The following CDH13 variants were observed in gnomAD, a reference collection of about 807,000 sequenced individuals.
The protein encoded by CDH13 is cadherin-13.
In CDH13, 24 loss-of-function variants were observed where a neutral mutation model predicts 63.8. The observed-to-expected ratio is 0.38, with a 90% CI of 0.27 to 0.53. The LOEUF is 0.53. Among genes scored for constraint, CDH13 ranks in the 20% least tolerant of loss-of-function variants. The pLI is 0.85. For synonymous variants in CDH13, 503 were observed against 355.3 expected, an observed-to-expected ratio of 1.42 and a Z score of -4.67; for missense variants, 1,049 against 903.1, an observed-to-expected ratio of 1.16 and a Z score of -2.07.
intron 2 of CDH13, among the ~76,000 whole-genome samples, chr16:82,989,767 C>T (rs72792133): frequency 0.15 from 23,355 of 152,192 alleles, 2,189 homozygotes; most frequent in Non-Finnish European, 0.21. Context: ...TTTTCATCCC[C>T]GTCCTGGCCA....
At chr16:82,912,028 G>C (rs546957229) in intron 2 of CDH13, among the ~76,000 whole-genome samples, 1 of 151,932 alleles carries the variant, frequency 6.6e-6, no homozygotes, top group African/African-American at 2.4e-5. Context: ...GCAGCCCTCA[G>C]AGCCCCAGCT....
chr16:83,227,678 G>A (rs2039881960), intron 5 of CDH13, among the ~76,000 whole-genome samples: 1 of 152,138 alleles, frequency 6.6e-6, no homozygotes, highest in Non-Finnish European at 1.5e-5. Flanking sequence ...ACGTGGGGGA[G>A]CATGCTTTTT....
intron 7 of CDH13, among the ~76,000 whole-genome samples, chr16:83,596,530 G>T (rs1907275701): frequency 1.3e-5 from 2 of 152,126 alleles, no homozygotes; most frequent in Non-Finnish European, 2.9e-5. Flanking sequence ...GCATCTGTGG[G>T]CTGGACACCT....
At chr16:83,204,048 G>C (rs544446717) in intron 4 of CDH13, among the ~76,000 whole-genome samples, 6 of 152,176 alleles carry the variant, frequency 3.9e-5, no homozygotes, top group Admixed American at 2.6e-4. Context: ...GAAGTCCCTC[G>C]TCCTGGCTCT....
At chr16:83,296,808 G>A (rs2089609389) in intron 5 of CDH13, among the ~76,000 whole-genome samples, 3 of 152,140 alleles carry the variant, frequency 2.0e-5, no homozygotes, top group Non-Finnish European at 2.9e-5. Flanking sequence ...CCAATAACAC[G>A]GGTTTATGTA....
At chr16:83,295,815 G>A (rs973627985) in intron 5 of CDH13, among the ~76,000 whole-genome samples, 1 of 152,096 alleles carries the variant, frequency 6.6e-6, no homozygotes, top group Non-Finnish European at 1.5e-5. Context: ...ATCTCACTAG[G>A]GTTATATATC....
intron 10 of CDH13, among the ~76,000 whole-genome samples, chr16:83,700,612 A>C (rs779961069): frequency 3.9e-5 from 6 of 152,246 alleles, no homozygotes; most frequent in Non-Finnish European, 7.3e-5. Flanking sequence ...TTTTGTTTAC[A>C]GGTTTTGGGA....
At chr16:82,955,922 C>G (rs1033837868) in intron 2 of CDH13, among the ~76,000 whole-genome samples, 4 of 152,308 alleles carry the variant, frequency 2.6e-5, no homozygotes, top group East Asian at 1.9e-4. Flanking sequence ...TAATCAAATA[C>G]TACTATGAAA....
chr16:82,873,245 C>T (rs1485364884), intron 2 of CDH13, among the ~76,000 whole-genome samples: 4 of 152,138 alleles, frequency 2.6e-5, no homozygotes, highest in African/African-American at 2.4e-5. Context: ...AGGAGGAGGG[C>T]TGTCATTTGA....
intron 8 of CDH13, among the ~76,000 whole-genome samples, chr16:83,630,472 G>A (rs1187898109): frequency 6.6e-6 from 1 of 152,170 alleles, no homozygotes; most frequent in African/African-American, 2.4e-5. Flanking sequence ...GGTTCAGTCT[G>A]GAGAGTGGGC....
intron 4 of CDH13, among the ~76,000 whole-genome samples, chr16:83,211,054 A>G (rs980639260): frequency 6.6e-6 from 1 of 151,758 alleles, no homozygotes; most frequent in Non-Finnish European, 1.5e-5. Flanking sequence ...AGGCTGAGTC[A>G]GGAGAATTAC....
intron 2 of CDH13, among the ~76,000 whole-genome samples, chr16:82,956,188 C>T (rs908277379): frequency 6.6e-5 from 10 of 152,064 alleles, no homozygotes; most frequent in Non-Finnish European, 7.4e-5. Flanking sequence ...GCATGATTCT[C>T]GGTGTTTCTG....
At chr16:82,812,428 A>T (rs566322230) in intron 1 of CDH13, among the ~76,000 whole-genome samples, 22 of 152,264 alleles carry the variant, frequency 1.4e-4, no homozygotes, top group Admixed American at 5.2e-4. Context: ...GCAGAGGTGG[A>T]GGAGCCTAAA....
intron 10 of CDH13, among the ~76,000 whole-genome samples, chr16:83,719,202 T>G (rs1268514729): frequency 6.6e-6 from 1 of 152,206 alleles, no homozygotes; most frequent in Non-Finnish European, 1.5e-5. Context: ...CATTTGACAA[T>G]GACATTTGAT....
At chr16:83,474,769 C>T (rs1358791175) in intron 6 of CDH13, among the ~76,000 whole-genome samples, 1 of 152,174 alleles carries the variant, frequency 6.6e-6, no homozygotes, top group Non-Finnish European at 1.5e-5. Flanking sequence ...GAACAGGGAA[C>T]CCAGAGCTTA....
At chr16:82,673,260 G>C (rs186694472) in intron 1 of CDH13, among the ~76,000 whole-genome samples, 1 of 151,932 alleles carries the variant, frequency 6.6e-6, no homozygotes, top group Non-Finnish European at 1.5e-5. Flanking sequence ...CTTCTCAGCC[G>C]TGTGTCTCTT....
At chr16:82,648,484 G>A (rs1293774990) in intron 1 of CDH13, among the ~76,000 whole-genome samples, 13 of 152,142 alleles carry the variant, frequency 8.5e-5, no homozygotes, top group Non-Finnish European at 1.9e-4. Context: ...AAAGAGGATG[G>A]TTATAAAGAT....
chr16:82,757,660 T>G (rs546471963), intron 1 of CDH13, among the ~76,000 whole-genome samples: 177 of 104,578 alleles, frequency 1.7e-3, no homozygotes, highest in African/African-American at 4.6e-3. Context: ...TTTTTTTTTT[T>G]TGGGGACAGA....
intron 2 of CDH13, among the ~76,000 whole-genome samples, chr16:82,957,129 G>C (rs1455169228): frequency 3.3e-5 from 5 of 152,146 alleles, no homozygotes; most frequent in Admixed American, 6.5e-5. Context: ...ATCCCAGTCA[G>C]TGGGAAAGGG....
Sources: gnomAD v4.1 joint callset for allele counts (sites outside exome capture counted in the v4.1 genomes callset) on GRCh38, gnomAD v4.1.1 for gene constraint, MANE v1.5 for transcripts, NCBI Gene and HGNC (gene_info 2026-07-23, HGNC 2026-07-21) for gene names.